The following USP36 variants were observed in gnomAD, a reference collection of about 807,000 sequenced individuals.
USP36 encodes the protein ubiquitin specific peptidase 36.
USP36 carries 59 observed loss-of-function variants against 111.5 expected under a neutral mutation model. That is an observed-to-expected ratio of 0.53 (90% CI 0.43 to 0.66). The LOEUF (loss-of-function observed/expected upper bound fraction) is 0.66, where lower values mean the gene tolerates loss of function less well. Among genes scored for constraint, USP36 ranks in the 30% least tolerant of loss-of-function variants. USP36 has a pLI of 0.00. For synonymous variants in USP36, 628 were observed against 581.0 expected, an observed-to-expected ratio of 1.08 and a Z score of -1.16; for missense variants, 1,488 against 1,468.0, an observed-to-expected ratio of 1.01 and a Z score of -0.22.
At chr17:78,802,251 ACACC>A (rs2093768312) in intron 17 of USP36, 69 bp downstream of exon 17, 1 of 1,275,402 alleles carries the variant, frequency 7.8e-7, no homozygotes. Context: ...CGCCCGGTGC[ACACC>A]CATGCGGTCC....
chr17:78,793,873 A>G (rs931021031), downstream of USP36, among the ~76,000 whole-genome samples: 1 of 152,080 alleles, frequency 6.6e-6, no homozygotes, highest in Non-Finnish European at 1.5e-5. Context: ...CCCACTGCCT[A>G]CTTCCCATGC....
intron 4 of USP36, among the ~76,000 whole-genome samples, chr17:78,832,400 C>T (rs1014828426): frequency 2.9e-4 from 44 of 152,164 alleles, no homozygotes; most frequent in African/African-American, 1.0e-3. Flanking sequence ...GAAAAAAAGG[C>T]CACAACGTCT....
In USP36 at chr17:78,814,202, C is replaced by A. The variant is rs1110274; in HGVS notation, c.1164+210G>T. 0.48 allele frequency among the ~76,000 whole-genome samples: 73,645 copies of A among 151,916 alleles called. 18,077 individuals are homozygous for A. Among genetic ancestry groups the A allele is most frequent in the Non-Finnish European group, 0.53 (36,142 of 67,958 alleles). Reference sequence around the variant, plus strand: ...GAAGCGGCTGCCTCTTCCGTGTCTCCCTGCAAGTCTGAGAACACTAGATTC... The same window carrying A: ...GAAGCGGCTGCCTCTTCCGTGTCTCACTGCAAGTCTGAGAACACTAGATTC... On this transcript the variant is annotated intron_variant, in intron 11 of 20. Coordinates refer to ENST00000449938, the MANE Select transcript of USP36 (RefSeq NM_001385174.1).
At chr17:78,787,779 A>G (rs2093547806) in intron 3 of USP36, 1 of 152,268 alleles carries the variant, frequency 6.6e-6, no homozygotes, top group Non-Finnish European at 1.5e-5. Flanking sequence ...GTACCTGTGA[A>G]TGGTGACCTT....
At chr17:78,805,630 C>A (rs1039240225) in intron 15 of USP36, among the ~76,000 whole-genome samples, 4 of 152,206 alleles carry the variant, frequency 2.6e-5, no homozygotes, top group Admixed American at 2.6e-4. Context: ...GCAGCCCCTG[C>A]GGACCAGGGC....
intron 13 of USP36, among the ~76,000 whole-genome samples, chr17:78,808,851 C>T (rs1168441195): frequency 1.3e-5 from 2 of 151,912 alleles, no homozygotes; most frequent in Admixed American, 1.3e-4. Flanking sequence ...GGTATAGAGT[C>T]GGTGCTTAAA....
At chr17:78,800,746 G>A (rs970151143) in intron 17 of USP36, among the ~76,000 whole-genome samples, 5 of 152,184 alleles carry the variant, frequency 3.3e-5, no homozygotes, top group African/African-American at 1.2e-4. Context: ...GAGCCCATGC[G>A]GCCCCCAGCG....
rs530465766 is a variant in USP36 at position 78,821,924 on chromosome 17, C to T, written c.757+13G>A. 110 of 1,614,018 alleles carry T rather than the reference C, an allele frequency of 6.8e-5. No individual in the cohort carries two copies. Among genetic ancestry groups the T allele is most frequent in the Admixed American group, 2.2e-4 (13 of 60,020 alleles). ...TCCTGGCAAGAAGCAGTAGAACAAA[C>T]GTCTCCACTTACCGCGTGATCTGAG... is the stretch of plus-strand genomic sequence containing the variant. On this transcript the variant is annotated intron_variant, in intron 7 of 20. Transcript: ENST00000449938.
At chr17:78,808,201 T>C (rs1753384429) in intron 13 of USP36, among the ~76,000 whole-genome samples, 1 of 152,208 alleles carries the variant, frequency 6.6e-6, no homozygotes, top group Non-Finnish European at 1.5e-5. Context: ...CATCCCAGTT[T>C]TATCTTAAAG....
At chr17:78,800,670 G>C (rs1002856315) in intron 17 of USP36, among the ~76,000 whole-genome samples, 1 of 152,190 alleles carries the variant, frequency 6.6e-6, no homozygotes, top group Non-Finnish European at 1.5e-5. Context: ...AACGTGCTGC[G>C]CCTCCTGCCC....
Position 78,796,054 on chromosome 17 carries a change from T to C in USP36, c.*1846A>G, listed in dbSNP as rs910833122. The C allele has an allele frequency of 6.6e-6, 1 of 152,084 alleles. No homozygotes were observed. Among genetic ancestry groups the C allele is most frequent in the Non-Finnish European group, 1.5e-5 (1 of 68,016 alleles). 9.4% of individuals were successfully genotyped at this position (152,084 alleles called of 1,614,324 possible). ...GGGACGTGACTCCACCCAACAGTGA[T>C]AAACGCTGCAGAAAGTCATCTCGTG... On this transcript the variant is annotated 3_prime_UTR_variant, in exon 21 of 21. Transcript: ENST00000449938.
At chr17:78,821,840 C>A in intron 7 of USP36, 97 bp downstream of exon 7, 6 of 1,425,556 alleles carry the variant, frequency 4.2e-6, no homozygotes, top group South Asian at 3.6e-5. Flanking sequence ...GTCTGCACAG[C>A]GAAGAAAGAG....
downstream of USP36, among the ~76,000 whole-genome samples, chr17:78,795,400 C>T (rs1039185274): frequency 2.0e-5 from 3 of 152,210 alleles, no homozygotes; most frequent in African/African-American, 7.2e-5. The surrounding 1 kb of genome is among the most constrained non-coding windows in gnomAD (Gnocchi z 4.5). Flanking sequence ...CATCAGGTAA[C>T]AGCTGCAGAG....
intron 9 of USP36, 121 bp from the exon 10 acceptor site, chr17:78,818,899 A>C (rs533060372): frequency 1.0e-6 from 1 of 993,000 alleles, no homozygotes; most frequent in South Asian, 1.5e-5. Flanking sequence ...TTCATCAATG[A>C]GATTTCGACC....
chr17:78,811,812 G>A (rs769296470), intron 13 of USP36, among the ~76,000 whole-genome samples: 17 of 151,992 alleles, frequency 1.1e-4, no homozygotes, highest in Non-Finnish European at 2.1e-4. Context: ...AGGTTGCAGC[G>A]AGCCAAGGTT....
At chr17:78,838,376 AAAAAAAAAAAC>A (rs2068889816) in intron 2 of USP36, among the ~76,000 whole-genome samples, 200 bp downstream of exon 2, 2 of 151,168 alleles carry the variant, frequency 1.3e-5, no homozygotes, top group Admixed American at 6.6e-5. Flanking sequence ...GGTCTCAAAA[AAAAAAAAAAAC>A]AAAAAACAAA....
At chr17:78,813,699 G>C in intron 12 of USP36, 74 bp downstream of exon 12, 1 of 1,361,698 alleles carries the variant, frequency 7.3e-7, no homozygotes. Flanking sequence ...AACAAAAAAA[G>C]GTTAGGGAGG....
intron 4 of USP36, among the ~76,000 whole-genome samples, chr17:78,833,800 G>A (rs1456509451): frequency 6.6e-6 from 1 of 151,328 alleles, no homozygotes; most frequent in African/African-American, 2.4e-5. Flanking sequence ...ATCTATGTTC[G>A]TGAAGAAGTT....
intron 6 of USP36, among the ~76,000 whole-genome samples, chr17:78,823,400 C>T (rs1471946901): frequency 6.6e-6 from 1 of 152,176 alleles, no homozygotes; most frequent in African/African-American, 2.4e-5. Flanking sequence ...CGCAGGGCCA[C>T]AAGGAATCCC....
Sources: gnomAD v4.1 joint callset for allele counts (sites outside exome capture counted in the v4.1 genomes callset) on GRCh38, gnomAD v4.1.1 for gene constraint, Gnocchi (gnomAD v3.1) non-coding constraint, MANE v1.5 for transcripts, NCBI Gene and HGNC (gene_info 2026-07-23, HGNC 2026-07-21) for gene names.